Variants in TMEM117 observed in about 807,000 individuals in gnomAD.
TMEM117 encodes the protein transmembrane protein 117.
TMEM117 carries 27 observed loss-of-function variants against 52.4 expected under a neutral mutation model. The ratio of observed to expected loss-of-function variants is 0.51; its 90% CI spans 0.38 to 0.71. The LOEUF (loss-of-function observed/expected upper bound fraction) is 0.71. Ranked by LOEUF, TMEM117 falls within the 30% of genes least tolerant of loss-of-function variation. The pLI is 0.00. For missense variants in TMEM117, 556 were observed against 630.5 expected (o/e 0.88, Z 1.26); for synonymous variants, 215 against 206.3 (o/e 1.04, Z -0.36).
chr12:43,991,655 C>G (rs982427792), intron 3 of TMEM117, among the ~76,000 whole-genome samples: 9 of 152,050 alleles, frequency 5.9e-5, no homozygotes, highest in African/African-American at 2.2e-4. Context: ...AAAGAGACTG[C>G]TACATAATAT....
intron 3 of TMEM117, among the ~76,000 whole-genome samples, chr12:44,139,433 G>T (rs1032435660): frequency 6.6e-6 from 1 of 151,652 alleles, no homozygotes; most frequent in East Asian, 1.9e-4. Flanking sequence ...TTGGTATCTC[G>T]TATTGTCAAG....
In TMEM117 at chr12:44,224,506, T is replaced by G. The variant is rs567600726; in HGVS notation, c.608+13119T>G. On this transcript the variant is annotated intron_variant, in intron 5 of 7. Transcript: ENST00000266534. ...TTAGTTTTTCTTTGCTTTCTTTGTCTTCTTCTTCTCCTTCTCCTCCTTCTC... is the reference window on the plus strand; with the variant it reads ...TTAGTTTTTCTTTGCTTTCTTTGTCGTCTTCTTCTCCTTCTCCTCCTTCTC... Among the ~76,000 whole-genome samples, 6 of 152,110 alleles carry G rather than the reference T, an allele frequency of 3.9e-5. No individual in the cohort carries two copies. In the South Asian group the frequency reaches 1.2e-3, roughly 32 times the overall value.
intron 5 of TMEM117, among the ~76,000 whole-genome samples, chr12:44,221,834 G>A (rs144215898): frequency 3.8e-4 from 58 of 151,996 alleles, no homozygotes; most frequent in African/African-American, 1.3e-3. Flanking sequence ...GAGTAGCTGC[G>A]ATTACAGGCA....
the TMEM117 span, among the ~76,000 whole-genome samples, chr12:43,826,832 G>A: frequency 2.0e-5 from 3 of 152,072 alleles, no homozygotes; most frequent in African/African-American, 7.2e-5. Flanking sequence ...TGATACTGGG[G>A]ATTTTTGTCT....
At chr12:44,156,415 C>T (rs1418890817) in intron 4 of TMEM117, among the ~76,000 whole-genome samples, 3 of 151,896 alleles carry the variant, frequency 2.0e-5, no homozygotes, top group African/African-American at 7.3e-5. Context: ...CAGTTTTTAC[C>T]TGAATTTCAT....
At chr12:44,022,730 A>G (rs1946474324) in intron 3 of TMEM117, among the ~76,000 whole-genome samples, 1 of 152,232 alleles carries the variant, frequency 6.6e-6, no homozygotes, top group South Asian at 2.1e-4. Context: ...ACACTCAGCA[A>G]TAAAAGTTTC....
chr12:44,176,556 G>T (rs546290107), intron 4 of TMEM117, among the ~76,000 whole-genome samples: 3 of 152,140 alleles, frequency 2.0e-5, no homozygotes, highest in Non-Finnish European at 4.4e-5. Context: ...AAACATAGTT[G>T]TGCCAGATAA....
chr12:44,002,401 A>G (rs998063103), intron 3 of TMEM117, among the ~76,000 whole-genome samples: 2 of 151,914 alleles, frequency 1.3e-5, no homozygotes, highest in East Asian at 3.9e-4. Context: ...TACCAAACTC[A>G]GAGTCCCTCT....
chr12:44,084,140 G>A (rs1008649765), intron 3 of TMEM117, among the ~76,000 whole-genome samples: 2 of 152,108 alleles, frequency 1.3e-5, no homozygotes, highest in African/African-American at 4.8e-5. Context: ...AAATATGTTT[G>A]TGTTTTTTCA....
At chr12:43,811,377 T>A in the TMEM117 span, among the ~76,000 whole-genome samples, 1 of 152,186 alleles carries the variant, frequency 6.6e-6, no homozygotes, top group South Asian at 2.1e-4. Flanking sequence ...CAAATTAGGA[T>A]AGTGGAAAAG....
At position 44,389,649 on chromosome 12, in the gene TMEM117, G is replaced by A. The variant is rs1300330999; in HGVS notation, c.*977G>A. 1 of 152,586 alleles carries A rather than the reference G, an allele frequency of 6.6e-6. No homozygotes were observed. Among genetic ancestry groups the A allele is most frequent in the East Asian group, 1.9e-4 (1 of 5,198 alleles). 9.5% of individuals were successfully genotyped at this position (152,586 alleles called of 1,614,324 possible). On this transcript the variant is annotated 3_prime_UTR_variant, in exon 8 of 8. Transcript: ENST00000266534. ...ATGCAGCGGAACCTTGTCAGGTAGAGAAGCCGTGCATGAAAGAATTTGTTT... is the reference window on the plus strand; with the variant it reads ...ATGCAGCGGAACCTTGTCAGGTAGAAAAGCCGTGCATGAAAGAATTTGTTT...
At chr12:44,352,263 ATTTTGTTTTG>A (rs956685607) in intron 6 of TMEM117, among the ~76,000 whole-genome samples, 34 of 152,018 alleles carry the variant, frequency 2.2e-4, no homozygotes, top group African/African-American at 7.5e-4. Flanking sequence ...TTTAAAAATA[ATTTTGTTTTG>A]TTTTGTTTTG....
At chr12:43,885,324 C>T (rs1015863773) in intron 2 of TMEM117, among the ~76,000 whole-genome samples, 2 of 151,974 alleles carry the variant, frequency 1.3e-5, no homozygotes, top group African/African-American at 2.4e-5. Flanking sequence ...CATGTGAGTG[C>T]TTCAAAGAGA....
chr12:44,316,302 G>A (rs1158112203), intron 6 of TMEM117, among the ~76,000 whole-genome samples: 1 of 152,016 alleles, frequency 6.6e-6, no homozygotes, highest in Admixed American at 6.6e-5. Flanking sequence ...ATTGTTGGGG[G>A]TGTCTGGAAA....
intron 6 of TMEM117, among the ~76,000 whole-genome samples, chr12:44,302,107 T>C (rs1950847891): frequency 6.6e-6 from 1 of 152,190 alleles, no homozygotes; most frequent in Non-Finnish European, 1.5e-5. Flanking sequence ...ACCATTCCAG[T>C]CTTGACTCCC....
intron 2 of TMEM117, among the ~76,000 whole-genome samples, chr12:43,906,823 T>C (rs3990338): frequency 0.72 from 108,874 of 152,026 alleles, 42,081 homozygotes; most frequent in East Asian, 0.87. Flanking sequence ...GATTATATCC[T>C]GCACCTGGCT....
chr12:44,156,584 G>A (rs532187351), intron 4 of TMEM117, among the ~76,000 whole-genome samples: 9 of 152,174 alleles, frequency 5.9e-5, no homozygotes, highest in African/African-American at 2.2e-4. Flanking sequence ...CTAAAATGCA[G>A]AAAAATGCAG....
chr12:43,971,267 T>C (rs1256061431), intron 3 of TMEM117, among the ~76,000 whole-genome samples: 4 of 152,216 alleles, frequency 2.6e-5, no homozygotes, highest in Non-Finnish European at 4.4e-5. Context: ...AATATGTTCA[T>C]GTGGTGGTAA....
At chr12:43,994,758 T>A in intron 3 of TMEM117, among the ~76,000 whole-genome samples, 1 of 152,182 alleles carries the variant, frequency 6.6e-6, no homozygotes, top group East Asian at 1.9e-4. Context: ...TGCATTTATT[T>A]ATTTAACATA....
Sources: gnomAD v4.1 joint callset for allele counts (sites outside exome capture counted in the v4.1 genomes callset) on GRCh38, gnomAD v4.1.1 for gene constraint, MANE v1.5 for transcripts, NCBI Gene and HGNC (gene_info 2026-07-23, HGNC 2026-07-21) for gene names.